Variants in MFF observed in about 807,000 individuals in gnomAD.
The protein encoded by MFF is chromosome 2 open reading frame 33.
In MFF, 12 loss-of-function variants were observed where a neutral mutation model predicts 36.9. The observed-to-expected ratio is 0.33, with a 90% CI of 0.21 to 0.53. The LOEUF is 0.53. Among genes scored for constraint, MFF ranks in the 20% least tolerant of loss-of-function variants. MFF has a pLI of 0.95. For synonymous variants in MFF, 99 were observed against 126.2 expected (o/e 0.78, Z 1.44); for missense variants, 348 against 366.6 (o/e 0.95, Z 0.42).
chr2:227,352,361 G>C (rs2106457540), intron 6 of MFF, 153 bp from the exon 7 acceptor site: 1 of 584,944 alleles, frequency 1.7e-6, no homozygotes, highest in East Asian at 2.8e-5. Flanking sequence ...CATGAGACAA[G>C]GATTTTTTAA....
chr2:227,329,769 C>A, intron 2 of MFF: 3 of 1,581,272 alleles, frequency 1.9e-6, no homozygotes, highest in Non-Finnish European at 2.6e-6. Context: ...CAAGCAGTGA[C>A]ACATCACTAG....
intron 5 of MFF, among the ~76,000 whole-genome samples, chr2:227,345,746 A>G (rs1024257066): frequency 5.3e-5 from 8 of 152,210 alleles, no homozygotes; most frequent in Non-Finnish European, 8.8e-5. Flanking sequence ...GGTTTTGCCA[A>G]TTACCATGGA....
intron 5 of MFF, chr2:227,346,092 A>T (rs2075695824): frequency 6.2e-6 from 1 of 160,978 alleles, no homozygotes; most frequent in South Asian, 2.1e-4. Flanking sequence ...GATGACTATA[A>T]CTATCCTGTC....
At position 227,347,161 on chromosome 2, in the gene MFF, G is replaced by T; in HGVS notation, c.441-65G>T. On this transcript the variant is annotated intron_variant, in intron 5 of 8. Coordinates refer to ENST00000304593, the MANE Select transcript of MFF (RefSeq NM_001277062.2). ...AGAAAATTAAGATAAAGACTGCTCAGCTGAAGTTTTATAAAAATCTGACTT... is the reference window on the plus strand; with the variant it reads ...AGAAAATTAAGATAAAGACTGCTCATCTGAAGTTTTATAAAAATCTGACTT... The T allele has an allele frequency of 5.5e-6, 8 of 1,453,366 alleles. No homozygotes were observed. The South Asian group carries it at 9.5e-5, about 17-fold the overall frequency. 90.0% of individuals were successfully genotyped at this position (1,453,366 alleles called of 1,614,324 possible). A position where few individuals can be genotyped will look rare whatever the true frequency, so the allele number is the denominator to read the frequency against.
At chr2:227,332,689 A>G (rs1210493240) in intron 4 of MFF, 101 bp downstream of exon 4, 3 of 803,862 alleles carry the variant, frequency 3.7e-6, no homozygotes, top group Non-Finnish European at 5.8e-6. Context: ...TATGTCATGA[A>G]AGCTTTCCAT....
At chr2:227,344,287 A>C (rs2075582974) in intron 5 of MFF, among the ~76,000 whole-genome samples, 1 of 152,158 alleles carries the variant, frequency 6.6e-6, no homozygotes, top group Non-Finnish European at 1.5e-5. Context: ...TTAAATTACT[A>C]ATATATATAT....
intron 3 of MFF, among the ~76,000 whole-genome samples, chr2:227,332,135 CT>C (rs1317007496): frequency 1.5e-5 from 2 of 129,672 alleles, no homozygotes; most frequent in African/African-American, 5.4e-5. Flanking sequence ...CTACGCCCGG[CT>C]AATTTTTTTG....
At chr2:227,328,573 G>A (rs949455108) in intron 1 of MFF, 105 bp from the exon 2 acceptor site, 1 of 152,114 alleles carries the variant, frequency 6.6e-6, no homozygotes, top group Non-Finnish European at 1.5e-5. Flanking sequence ...CTTGATGTCA[G>A]GTTGTGCATC....
intron 4 of MFF, among the ~76,000 whole-genome samples, chr2:227,338,977 C>A (rs1376871475): frequency 6.6e-6 from 1 of 151,012 alleles, no homozygotes; most frequent in Non-Finnish European, 1.5e-5. Flanking sequence ...CCAAGGTGGG[C>A]AGAACACTTG....
At chr2:227,341,688 G>A (rs13383795) in intron 5 of MFF, among the ~76,000 whole-genome samples, 3,619 of 152,096 alleles carry the variant, frequency 0.024, 148 homozygotes, top group African/African-American at 0.081. Context: ...TATGGCTAAG[G>A]TGGCTTCTTG....
chr2:227,350,312 C>G (rs1200311919), intron 6 of MFF, among the ~76,000 whole-genome samples: 1 of 152,096 alleles, frequency 6.6e-6, no homozygotes, highest in African/African-American at 2.4e-5. Context: ...CTCCCTGTAT[C>G]TGTTAGAGCT....
chr2:227,333,733 G>A (rs60342542), intron 4 of MFF, among the ~76,000 whole-genome samples: 2,547 of 152,280 alleles, frequency 0.017, 72 homozygotes, highest in African/African-American at 0.059. Flanking sequence ...TTAAGGCCCA[G>A]CTTTCTAACT....
In MFF at chr2:227,355,726, C is replaced by T; in HGVS notation, c.709C>T (p.Leu237=). The T allele has an allele frequency of 6.2e-7, 1 of 1,611,778 alleles. No individual in the cohort carries two copies. The highest frequency in any genetic ancestry group is 1.1e-5 in the South Asian group (1 of 90,972). Residue 237 remains leucine, a synonymous_variant, in exon 8 of 9, where the codon CTG becomes TTG. Coordinates refer to ENST00000304593, the MANE Select transcript of MFF (RefSeq NM_001277062.2). ...DTTIEGTSDD[L]TVVDAASLRR... Reference sequence around the variant, plus strand: ...AACCATTGAAGGAACGTCAGATGACCTGACTGTTGTAGATGCAGCTTCACT... The same window carrying T: ...AACCATTGAAGGAACGTCAGATGACTTGACTGTTGTAGATGCAGCTTCACT...
chr2:227,325,989 G>A (rs1290473085), intron 1 of MFF, among the ~76,000 whole-genome samples: 3 of 152,158 alleles, frequency 2.0e-5, no homozygotes, highest in Non-Finnish European at 2.9e-5. Context: ...ATCCCTGCTC[G>A]CAGATGTGGC....
At chr2:227,335,505 T>C (rs2074931219) in intron 4 of MFF, among the ~76,000 whole-genome samples, 1 of 152,212 alleles carries the variant, frequency 6.6e-6, no homozygotes, top group African/African-American at 2.4e-5. Flanking sequence ...TAAAATTGTG[T>C]ATGTTATGTG....
At chr2:227,347,607 T>C (rs1396023398) in intron 6 of MFF, among the ~76,000 whole-genome samples, 1 of 152,244 alleles carries the variant, frequency 6.6e-6, no homozygotes, top group Non-Finnish European at 1.5e-5. Context: ...AGAGTATACA[T>C]AGAAAGTGTA....
chr2:227,339,040 C>T (rs2075233658), intron 4 of MFF, among the ~76,000 whole-genome samples: 1 of 151,480 alleles, frequency 6.6e-6, no homozygotes, highest in Non-Finnish European at 1.5e-5. Context: ...CCCATCTCTA[C>T]AAAATACAAA....
At chr2:227,344,321 A>G (rs373164830) in intron 5 of MFF, among the ~76,000 whole-genome samples, 28 of 152,312 alleles carry the variant, frequency 1.8e-4, no homozygotes, top group Middle Eastern at 6.8e-3. Flanking sequence ...TAATCTTCTC[A>G]GTGCCTTTGC....
chr2:227,349,294 A>C (rs2075871568), intron 6 of MFF, among the ~76,000 whole-genome samples: 1 of 152,224 alleles, frequency 6.6e-6, no homozygotes, highest in African/African-American at 2.4e-5. Context: ...TGGAAAAAAA[A>C]TTGTGCCTCA....
Sources: allele counts gnomAD v4.1 joint callset (sites outside exome capture counted in the v4.1 genomes callset), GRCh38; gene constraint gnomAD v4.1.1; transcripts MANE v1.5; gene names NCBI Gene and HGNC (gene_info 2026-07-23, HGNC 2026-07-21).